The following WDR43 variants were observed in gnomAD, a reference collection of about 807,000 sequenced individuals.
WDR43 encodes WD repeat domain 43.
WDR43 carries 13 observed loss-of-function variants against 91.4 expected under a neutral mutation model. That is an observed-to-expected ratio of 0.14 (90% CI 0.09 to 0.23). The LOEUF (loss-of-function observed/expected upper bound fraction) is 0.23. WDR43 is among the 10% of genes least tolerant of loss of function. The probability of loss-of-function intolerance (pLI) is 1.00; values close to 1 mark genes in which losing one functional copy is unlikely to be tolerated. For missense variants in WDR43, 780 were observed against 809.4 expected (o/e 0.96, Z 0.44); for synonymous variants, 331 against 287.9 (o/e 1.15, Z -1.51).
At chr2:28,927,291 G>A (rs56127663) in intron 9 of WDR43, 7,226 of 449,050 alleles carry the variant, frequency 0.016, 436 homozygotes, top group African/African-American at 0.13. Context: ...CAACGTTAGT[G>A]ACACTAAATA....
At chr2:28,913,635 G>A (rs1670850667) in intron 4 of WDR43, 1 of 519,212 alleles carries the variant, frequency 1.9e-6, no homozygotes, top group Non-Finnish European at 3.8e-6. Context: ...GGAGGAAAAA[G>A]CTTTCACTCA....
At chr2:28,926,422 T>A in intron 8 of WDR43, 46 bp from the exon 9 acceptor site, 1 of 1,404,404 alleles carries the variant, frequency 7.1e-7, no homozygotes, top group African/African-American at 1.5e-5. Context: ...CACTCTTTTT[T>A]TTTTCTTTCC....
chr2:28,896,106 C>T (rs1670475968), intron 1 of WDR43, among the ~76,000 whole-genome samples: 1 of 151,910 alleles, frequency 6.6e-6, no homozygotes, highest in Admixed American at 6.6e-5. Context: ...AAAAAAAAAT[C>T]AGTTTTTATT....
rs373801381 is a variant in WDR43 at position 28,941,430 on chromosome 2, A to C, written c.1621-31A>C. 334 of 1,543,496 alleles carry C rather than the reference A, an allele frequency of 2.2e-4. 2 individuals carry two copies. In the South Asian group the frequency reaches 3.6e-3, roughly 17 times the overall value. ...GCGTGTTCGTCATCTCTAATACGTT[A>C]ATAGTGCCAAATGATCATTTTTTTC... On this transcript the variant is annotated intron_variant, in intron 14 of 17. Coordinates refer to ENST00000407426, the MANE Select transcript of WDR43 (RefSeq NM_015131.3).
intron 16 of WDR43, among the ~76,000 whole-genome samples, chr2:28,943,925 A>G (rs1671493517): frequency 6.6e-6 from 1 of 152,174 alleles, no homozygotes; most frequent in African/African-American, 2.4e-5. Flanking sequence ...GTAATCTCAA[A>G]GTTGACAATT....
At chr2:28,941,306 G>A (rs965333581) in intron 14 of WDR43, among the ~76,000 whole-genome samples, 155 bp from the exon 15 acceptor site, 1 of 152,130 alleles carries the variant, frequency 6.6e-6, no homozygotes, top group Admixed American at 6.5e-5. Flanking sequence ...TCGTGATGTT[G>A]TTAGGCTATG....
At chr2:28,942,042 T>C (rs116740481) in intron 15 of WDR43, among the ~76,000 whole-genome samples, 1,882 of 152,340 alleles carry the variant, frequency 0.012, 15 homozygotes, top group African/African-American at 0.025. Flanking sequence ...TCAGTTGTTA[T>C]ACAGTTAGTA....
In WDR43 at chr2:28,935,595, G is replaced by A. The variant is rs761868010; in HGVS notation, c.1512G>A (p.Pro504=). 6.4e-5 allele frequency: 101 copies of A among 1,583,648 alleles called. No homozygotes were observed. The highest frequency in any genetic ancestry group is 1.8e-4 in the South Asian group (15 of 85,312). ...GGATGCCCCTGCATACTATTATTCC[G>A]TTGTTACAAGAGGTAACTGACTGCT... ...VLRMPLHTII[P]LLQELTKRLQ... The change falls in exon 12 of 18, where the codon CCG becomes CCA. Residue 504 remains proline, a synonymous_variant. Transcript: ENST00000407426.
At chr2:28,945,834 A>G (rs1311659587) in intron 16 of WDR43, among the ~76,000 whole-genome samples, 1 of 152,226 alleles carries the variant, frequency 6.6e-6, no homozygotes, top group Non-Finnish European at 1.5e-5. Flanking sequence ...TTTCATTATT[A>G]GTACTTTATG....
intron 11 of WDR43, among the ~76,000 whole-genome samples, chr2:28,934,968 C>T (rs925366131): frequency 1.3e-5 from 2 of 152,034 alleles, no homozygotes; most frequent in African/African-American, 2.4e-5. Flanking sequence ...GGGGCAGGAC[C>T]GGAACTGATC....
chr2:28,929,622 A>G lies in WDR43; in HGVS notation c.1349A>G (p.His450Arg). ...ERLGAMDIDT[H>R]KKGKEDLQTN... ...CTGGGAGCAATGGATATAGACACAC[A>G]CAAAAAAGGAAAGGAAGACCTCCAG... The change falls in exon 11 of 18, where the codon CAC becomes CGC. Residue 450 changes from histidine to arginine, a missense_variant. His to Arg is a conservative substitution (Grantham distance 29). Around this residue, in one of 4 missense-constraint regions of WDR43, gnomAD observed 426 missense variants for 467.8 expected, o/e 0.91. Coordinates refer to ENST00000407426, the MANE Select transcript of WDR43 (RefSeq NM_015131.3). The G allele has an allele frequency of 6.2e-7, 1 of 1,613,732 alleles. No homozygotes were observed. Among genetic ancestry groups the G allele is most frequent in the East Asian group, 2.2e-5 (1 of 44,858 alleles).
intron 1 of WDR43, 152 bp downstream of exon 1, chr2:28,895,075 C>A: frequency 2.8e-6 from 2 of 707,804 alleles, no homozygotes; most frequent in South Asian, 5.8e-5. Flanking sequence ...AGGGCCCAAG[C>A]CGCCAGCCCC....
At chr2:28,924,155 G>A (rs1317914628) in intron 7 of WDR43, among the ~76,000 whole-genome samples, 1 of 152,132 alleles carries the variant, frequency 6.6e-6, no homozygotes, top group South Asian at 2.1e-4. Flanking sequence ...TACAGTGAGG[G>A]GCATGTTCAT....
Position 28,941,588 on chromosome 2 carries a change from A to G in WDR43, c.1734+14A>G. The G allele has an allele frequency of 6.3e-7, 1 of 1,583,492 alleles. No individual in the cohort carries two copies. ...CTAATTACACAAGTGAGTAAATCAT[A>G]TTGTTCTGGGCTAAAACTTTTGGAC... is the stretch of plus-strand genomic sequence containing the variant. On this transcript the variant is annotated intron_variant, in intron 15 of 17. Coordinates refer to ENST00000407426, the MANE Select transcript of WDR43 (RefSeq NM_015131.3).
At chr2:28,897,716 G>T (rs952773386) in intron 1 of WDR43, among the ~76,000 whole-genome samples, 1 of 152,242 alleles carries the variant, frequency 6.6e-6, no homozygotes, top group African/African-American at 2.4e-5. Flanking sequence ...CATCAATGGA[G>T]AAAGATTAGT....
At chr2:28,910,106 A>G (rs1232388573) in intron 3 of WDR43, among the ~76,000 whole-genome samples, 8 of 152,352 alleles carry the variant, frequency 5.3e-5, no homozygotes, top group Admixed American at 1.3e-4. Context: ...TAACTAGGTT[A>G]GAGCTTGAGA....
intron 3 of WDR43, 83 bp from the exon 4 acceptor site, chr2:28,912,507 C>A: frequency 6.6e-7 from 1 of 1,505,256 alleles, no homozygotes; most frequent in South Asian, 1.2e-5. Context: ...AATGATTGTT[C>A]AGTTTGTTTT....
At chr2:28,903,929 T>C (rs1284483592) in intron 2 of WDR43, among the ~76,000 whole-genome samples, 3 of 152,122 alleles carry the variant, frequency 2.0e-5, no homozygotes, top group African/African-American at 7.2e-5. Context: ...CTCAGCCTCC[T>C]GAGTAGCTGG....
chr2:28,927,872 A>G (rs959385729), intron 10 of WDR43, 172 bp downstream of exon 10: 6 of 1,010,838 alleles, frequency 5.9e-6, no homozygotes, highest in Admixed American at 3.1e-5. Context: ...CTAGATTGTC[A>G]TCTTTGTTTA....
Sources: allele counts gnomAD v4.1 joint callset (sites outside exome capture counted in the v4.1 genomes callset), GRCh38; gene constraint gnomAD v4.1.1; regional missense constraint gnomAD v4.1.1; transcripts MANE v1.5; gene names NCBI Gene and HGNC (gene_info 2026-07-23, HGNC 2026-07-21).